Variants in SERGEF observed in about 807,000 individuals in gnomAD.
SERGEF encodes the protein secretion-regulating guanine nucleotide exchange factor.
In SERGEF, 51 loss-of-function variants were observed where a neutral mutation model predicts 50.0. That is an observed-to-expected ratio of 1.02 (90% CI 0.81 to 1.29). The LOEUF (loss-of-function observed/expected upper bound fraction) is 1.29. Among genes scored for constraint, SERGEF ranks in the 50% most tolerant of loss-of-function variants. The pLI is 0.00. For missense variants in SERGEF, 521 were observed against 557.0 expected (o/e 0.94, Z 0.65); for synonymous variants, 205 against 212.4 (o/e 0.97, Z 0.30).
chr11:17,976,208 T>G (rs1853369613), intron 8 of SERGEF, among the ~76,000 whole-genome samples: 1 of 152,178 alleles, frequency 6.6e-6, no homozygotes, highest in Non-Finnish European at 1.5e-5. Flanking sequence ...CAAGAGTTGA[T>G]TCCTCCAATA....
intron 10 of SERGEF, among the ~76,000 whole-genome samples, chr11:17,849,122 G>A (rs1365645769): frequency 6.6e-6 from 1 of 152,192 alleles, no homozygotes; most frequent in Non-Finnish European, 1.5e-5. Context: ...TAACATGTGT[G>A]TGTTTACATG....
intron 5 of SERGEF, chr11:17,999,423 A>T (rs1040810971): frequency 7.0e-6 from 2 of 284,410 alleles, no homozygotes; most frequent in Non-Finnish European, 1.4e-5. Context: ...AAAAAGTTGA[A>T]TTTTTTTTGA....
At chr11:18,012,116 G>A (rs1854208498) in intron 1 of SERGEF, among the ~76,000 whole-genome samples, 1 of 152,072 alleles carries the variant, frequency 6.6e-6, no homozygotes, top group African/African-American at 2.4e-5. Flanking sequence ...TATTTACTGG[G>A]GACCTACAAT....
At chr11:17,891,228 A>C (rs1329321652) in intron 9 of SERGEF, among the ~76,000 whole-genome samples, 2 of 152,216 alleles carry the variant, frequency 1.3e-5, no homozygotes, top group Non-Finnish European at 2.9e-5. Context: ...TGAATTCCTA[A>C]ACTCAGTTTC....
At chr11:17,826,119 G>A (rs534246738) in intron 10 of SERGEF, among the ~76,000 whole-genome samples, 1 of 152,330 alleles carries the variant, frequency 6.6e-6, no homozygotes, top group South Asian at 2.1e-4. Flanking sequence ...CTACATATAA[G>A]GGCCTGATCT....
chr11:17,819,496 G>A (rs575350361), intron 10 of SERGEF, among the ~76,000 whole-genome samples: 95 of 152,342 alleles, frequency 6.2e-4, no homozygotes, highest in Non-Finnish European at 9.7e-4. Flanking sequence ...ACAAAACAGA[G>A]GCTTGGAAAG....
At chr11:17,989,228 T>C (rs1025132109) in intron 7 of SERGEF, among the ~76,000 whole-genome samples, 3 of 152,256 alleles carry the variant, frequency 2.0e-5, no homozygotes, top group Non-Finnish European at 2.9e-5. Flanking sequence ...GAAAATATAA[T>C]GCTATAGAAT....
chr11:17,906,177 G>A (rs887541079), intron 9 of SERGEF, among the ~76,000 whole-genome samples: 3 of 152,142 alleles, frequency 2.0e-5, no homozygotes, highest in Non-Finnish European at 2.9e-5. Flanking sequence ...AGCAGGGCAC[G>A]GGGAGGGGTG....
At chr11:17,863,162 G>A (rs1315726862) in intron 10 of SERGEF, among the ~76,000 whole-genome samples, 1 of 152,176 alleles carries the variant, frequency 6.6e-6, no homozygotes, top group Non-Finnish European at 1.5e-5. Flanking sequence ...TTTCTACCCT[G>A]CATGGTGATA....
intron 9 of SERGEF, among the ~76,000 whole-genome samples, chr11:17,880,697 C>A (rs1299328672): frequency 1.3e-5 from 2 of 151,284 alleles, no homozygotes; most frequent in Non-Finnish European, 2.9e-5. Flanking sequence ...AATGCAGTTA[C>A]CACCACAGAG....
At chr11:17,797,521 G>T (rs1237696423) in intron 10 of SERGEF, among the ~76,000 whole-genome samples, 1 of 152,078 alleles carries the variant, frequency 6.6e-6, no homozygotes, top group African/African-American at 2.4e-5. Context: ...ATATGAAATA[G>T]CAGTCTACCC....
intron 9 of SERGEF, among the ~76,000 whole-genome samples, chr11:17,915,090 T>C (rs1005102958): frequency 1.3e-5 from 2 of 152,364 alleles, no homozygotes; most frequent in South Asian, 2.1e-4. Context: ...GTATCTCTCA[T>C]AGCTTTTTGT....
chr11:17,788,536 G>T, intron 10 of SERGEF, 123 bp from the exon 11 acceptor site: 2 of 779,696 alleles, frequency 2.6e-6, no homozygotes, highest in East Asian at 2.9e-5. Context: ...AAAGCTTAAG[G>T]ACACATGGCG....
At position 17,903,069 on chromosome 11, in the gene SERGEF, C is replaced by T. The variant is rs517436; in HGVS notation, c.1012-24825G>A. On this transcript the variant is annotated intron_variant, in intron 9 of 10. Coordinates refer to ENST00000265965, the MANE Select transcript of SERGEF (RefSeq NM_012139.4). ...TAATTTATTAGCTGGGCAGCTTTAG[C>T]TTGGTCATTTAAACTCTCTAGGTCT... Among the ~76,000 whole-genome samples, 478 of 152,200 alleles carry T rather than the reference C, an allele frequency of 3.1e-3. 4 individuals are homozygous for T. Among genetic ancestry groups the T allele is most frequent in the African/African-American group, 0.01 (435 of 41,538 alleles).
chr11:17,849,770 T>C (rs921734131), intron 10 of SERGEF, among the ~76,000 whole-genome samples: 1 of 152,250 alleles, frequency 6.6e-6, no homozygotes, highest in Non-Finnish European at 1.5e-5. Context: ...TCTTAGGACC[T>C]GAGAGATTAA....
intron 10 of SERGEF, among the ~76,000 whole-genome samples, chr11:17,877,434 G>A (rs1270083018): frequency 3.3e-5 from 5 of 152,178 alleles, no homozygotes; most frequent in Admixed American, 3.3e-4. Context: ...CATTCTATGT[G>A]CTTTACATAA....
intron 10 of SERGEF, among the ~76,000 whole-genome samples, chr11:17,812,260 C>A (rs1849889470): frequency 1.3e-5 from 2 of 152,342 alleles, no homozygotes; most frequent in East Asian, 1.9e-4. Context: ...CAGCTCCTGC[C>A]TCTCAGCCCC....
intron 8 of SERGEF, among the ~76,000 whole-genome samples, chr11:17,987,529 C>A (rs1423139059): frequency 6.6e-6 from 1 of 152,216 alleles, no homozygotes; most frequent in Non-Finnish European, 1.5e-5. Context: ...ATGAATGACA[C>A]ACTTTGCTTA....
intron 10 of SERGEF, among the ~76,000 whole-genome samples, chr11:17,824,151 A>G (rs1850138176): frequency 6.6e-6 from 1 of 152,152 alleles, no homozygotes; most frequent in Non-Finnish European, 1.5e-5. Flanking sequence ...AATACAAAAA[A>G]TTAGCCGGGC....
Sources: allele counts gnomAD v4.1 joint callset (sites outside exome capture counted in the v4.1 genomes callset), GRCh38; gene constraint gnomAD v4.1.1; transcripts MANE v1.5; gene names NCBI Gene and HGNC (gene_info 2026-07-23, HGNC 2026-07-21).